ZNF717: variants seen among roughly 807,000 people sequenced by gnomAD.
ZNF717 encodes the protein krueppel-like factor X17.
Under a neutral mutation model 13.8 loss-of-function variants are expected in ZNF717, and 9 were observed. The ratio of observed to expected loss-of-function variants is 0.65; its 90% CI spans 0.39 to 1.14. The LOEUF (loss-of-function observed/expected upper bound fraction) is 1.14. Ranked by LOEUF, ZNF717 falls within the 50% of genes most tolerant of loss-of-function variation. ZNF717 has a pLI of 0.01. For synonymous variants in ZNF717, 327 were observed against 364.1 expected (o/e 0.90, Z 1.16); for missense variants, 1,040 against 1,080.7 (o/e 0.96, Z 0.53).
rs1218594105 is a variant in ZNF717, at chr3:75,738,342, A to G, written c.1281T>C (p.His427=). The G allele has an allele frequency of 2.6e-6, 4 of 1,533,238 alleles. No individual in the cohort carries two copies. The highest frequency in any genetic ancestry group is 1.7e-4 in the Middle Eastern group (1 of 5,924). The allele number at this position is 1,533,238 out of a possible 1,614,324, so 95.0% of individuals were successfully genotyped here. A position where few individuals can be genotyped will look rare whatever the true frequency, so the allele number is the denominator to read the frequency against. The change falls in exon 5 of 5, where the codon CAT becomes CAC. Residue 427 remains histidine (H), a synonymous_variant. Transcript: ENST00000652011. ...ACTTATGGCTAAATGCTTCTTCACA[A>G]TGGTCACATGCATAGGGCTTTTCCC... is the stretch of plus-strand genomic sequence containing the variant. ...HTGEKPYACD[H]CEEAFSHKSR...
chr3:75,696,091 A>C (rs1342462653), intron 6 of ZNF717, among the ~76,000 whole-genome samples: 2 of 38 alleles, frequency 0.053, no homozygotes, highest in Non-Finnish European at 0.12. Flanking sequence ...AAAAACAGAG[A>C]AGATACAAAT....
intron 2 of ZNF717, among the ~76,000 whole-genome samples, chr3:75,766,161 C>A (rs1185102070): frequency 1.3e-5 from 2 of 151,902 alleles, no homozygotes; most frequent in Admixed American, 1.3e-4. Context: ...AGACCTAAAT[C>A]CAACCTTAGT....
At chr3:75,766,404 C>T (rs1421273981) in intron 2 of ZNF717, among the ~76,000 whole-genome samples, 4 of 141,744 alleles carry the variant, frequency 2.8e-5, no homozygotes, top group Non-Finnish European at 4.7e-5. Context: ...ATGAAAGAGG[C>T]TTCAAAACAA....
chr3:75,766,037 G>T (rs1232601452), intron 2 of ZNF717, among the ~76,000 whole-genome samples: 2 of 152,206 alleles, frequency 1.3e-5, no homozygotes, highest in African/African-American at 2.4e-5. Flanking sequence ...GGCCTGGGAG[G>T]CAGAGGTTGC....
Position 75,737,674 on chromosome 3 carries a change from T to C in ZNF717, c.1949A>G (p.Asn650Ser), listed in dbSNP as rs1939552843. The C allele has an allele frequency of 6.9e-6, 4 of 583,216 alleles. No homozygotes were observed. Among genetic ancestry groups the C allele is most frequent in the Non-Finnish European group, 8.6e-6 (4 of 462,552 alleles). 36.1% of individuals were successfully genotyped at this position (583,216 alleles called of 1,614,324 possible). Residue 650 changes from asparagine (N) to serine (S), a missense_variant, in exon 5 of 5, where the codon AAT becomes AGT. Physicochemically the swap from Asn to Ser is conservative, Grantham distance 46. Transcript: ENST00000652011. Reference sequence around the variant, plus strand: ...GCGATGAAAGGTTTTTCCACATTCATTACATACGTAAGGTTTCTCTCCTGT... The same window carrying C: ...GCGATGAAAGGTTTTTCCACATTCACTACATACGTAAGGTTTCTCTCCTGT... ...THTGEKPYVC[N>S]ECGKTFHRKS... is the part of the protein sequence containing the mutation.
At chr3:75,731,911 A>C (rs1938591988), downstream of ZNF717, 1 of 607,258 alleles carries the variant, frequency 1.6e-6, no homozygotes, top group Admixed American at 2.9e-5. Flanking sequence ...ACAGAGACTC[A>C]CTACTGAAAC....
chr3:75,695,728 A>T (rs1360737268), intron 6 of ZNF717, among the ~76,000 whole-genome samples: 3 of 152,244 alleles, frequency 2.0e-5, no homozygotes, highest in African/African-American at 7.2e-5. Context: ...AATGATTAGT[A>T]GGTCGATAAA....
chr3:75,725,154 C>T (rs79012815), downstream of ZNF717, among the ~76,000 whole-genome samples: 2 of 151,892 alleles, frequency 1.3e-5, no homozygotes, highest in Non-Finnish European at 2.9e-5. Flanking sequence ...CTCAGTGAAA[C>T]CCTCACTCTC....
intron 2 of ZNF717, among the ~76,000 whole-genome samples, chr3:75,752,055 G>C (rs1250947855): frequency 6.6e-6 from 1 of 151,322 alleles, no homozygotes; most frequent in Non-Finnish European, 1.5e-5. Flanking sequence ...TGGGATTCCA[G>C]AACACTCCTG....
chr3:75,748,082 A>C (rs1941342716), intron 2 of ZNF717, among the ~76,000 whole-genome samples: 1 of 152,202 alleles, frequency 6.6e-6, no homozygotes, highest in African/African-American at 2.4e-5. Context: ...CAAATAAACT[A>C]GAAAATCTAG....
chr3:75,768,364 G>GGC (rs1189090976), intron 2 of ZNF717, among the ~76,000 whole-genome samples: 1 of 118,648 alleles, frequency 8.4e-6, no homozygotes, highest in African/African-American at 3.1e-5. Context: ...TGAGTGTGGG[G>GGC]GGGGGGGGTA....
chr3:75,741,670 C>A lies in ZNF717; in HGVS notation c.124G>T (p.Ala42Ser). ...TWEEWQDLDD[A>S]QRTLYRDVML... ...ACGTCCCTGTACAGGGTCCTCTGAGCATCATCCAGGTCCTGCCACTCCTCC... is the reference window on the plus strand; with the variant it reads ...ACGTCCCTGTACAGGGTCCTCTGAGAATCATCCAGGTCCTGCCACTCCTCC... The change falls in exon 3 of 5, where the codon GCT becomes TCT. Residue 42 changes from alanine (A) to serine (S), a missense_variant. Ala to Ser is a moderately conservative substitution (Grantham distance 99). Around this residue, in one of 3 missense-constraint regions of ZNF717, gnomAD observed 123 missense variants for 177.8 expected, o/e 0.69. Transcript: ENST00000652011. 2 of 1,599,936 alleles carry A rather than the reference C, an allele frequency of 1.3e-6. No homozygotes were observed. The highest frequency in any genetic ancestry group is 1.3e-5 in the African/African-American group (1 of 74,540).
chr3:75,731,998 T>C, downstream of ZNF717: 1 of 699,204 alleles, frequency 1.4e-6, no homozygotes, highest in Non-Finnish European at 2.6e-6. Context: ...TATGGACAAC[T>C]CAAGGAGGTA....
intron 2 of ZNF717, among the ~76,000 whole-genome samples, chr3:75,769,270 T>A (rs1339361428): frequency 1.3e-5 from 2 of 152,084 alleles, no homozygotes; most frequent in Non-Finnish European, 2.9e-5. Context: ...CAGACAAACC[T>A]GACTACCTGA....
intron 4 of ZNF717, among the ~76,000 whole-genome samples, chr3:75,721,766 T>C (rs1259083332): frequency 6.6e-6 from 1 of 151,194 alleles, no homozygotes. Flanking sequence ...ACTAAAGGAG[T>C]GTGGAGGAAT....
intron 4 of ZNF717, among the ~76,000 whole-genome samples, chr3:75,720,318 A>T (rs1938143673): frequency 6.6e-6 from 1 of 152,232 alleles, no homozygotes; most frequent in Non-Finnish European, 1.5e-5. Context: ...AAAAAGAATG[A>T]AATAATGTTC....
At chr3:75,778,502 C>A (rs1350840251) in intron 2 of ZNF717, among the ~76,000 whole-genome samples, 1 of 150,218 alleles carries the variant, frequency 6.7e-6, no homozygotes, top group Non-Finnish European at 1.5e-5. Context: ...AAAACCGGAA[C>A]GCAAAACAAT....
At chr3:75,769,464 A>G (rs1435760525) in intron 2 of ZNF717, among the ~76,000 whole-genome samples, 1 of 152,180 alleles carries the variant, frequency 6.6e-6, no homozygotes, top group Non-Finnish European at 1.5e-5. Flanking sequence ...CAGTGTCTTG[A>G]CCCAGAAAAT....
intron 2 of ZNF717, among the ~76,000 whole-genome samples, chr3:75,776,337 T>G (rs1944316836): frequency 6.6e-6 from 1 of 152,292 alleles, no homozygotes; most frequent in African/African-American, 2.4e-5. Flanking sequence ...CAATCAAAAC[T>G]TCAGGTACAT....
Sources: gnomAD v4.1 joint callset for allele counts (sites outside exome capture counted in the v4.1 genomes callset) on GRCh38, gnomAD v4.1.1 for gene constraint, gnomAD v4.1.1 regional missense constraint, MANE v1.5 for transcripts, NCBI Gene and HGNC (gene_info 2026-07-23, HGNC 2026-07-21) for gene names.